MTSS1: variants seen among roughly 807,000 people sequenced by gnomAD.
The protein encoded by MTSS1 is MTSS I-BAR domain containing 1, also known as protein MTSS 1.
Under a neutral mutation model 79.0 loss-of-function variants are expected in MTSS1, and 18 were observed. The ratio of observed to expected loss-of-function variants is 0.23; its 90% CI spans 0.16 to 0.34. MTSS1 has a LOEUF of 0.34. Among genes scored for constraint, MTSS1 ranks in the 10% least tolerant of loss-of-function variants. The pLI is 1.00. For missense variants in MTSS1, 815 were observed against 986.2 expected (o/e 0.83, Z 2.33); for synonymous variants, 341 against 368.6 (o/e 0.93, Z 0.86).
intron 3 of MTSS1, among the ~76,000 whole-genome samples, chr8:124,611,010 CT>C (rs912638635): frequency 1.6e-4 from 24 of 152,104 alleles, no homozygotes; most frequent in African/African-American, 4.3e-4. Flanking sequence ...ATGTGGAAGG[CT>C]GCATGGGGAA....
intron 3 of MTSS1, among the ~76,000 whole-genome samples, chr8:124,620,815 A>G (rs1813353384): frequency 6.6e-6 from 1 of 152,234 alleles, no homozygotes; most frequent in Admixed American, 6.5e-5. Context: ...CCTGCATAAA[A>G]AATTAAATTA....
intron 3 of MTSS1, among the ~76,000 whole-genome samples, chr8:124,681,298 C>CT (rs1395529568): frequency 1.3e-5 from 2 of 152,030 alleles, no homozygotes; most frequent in Non-Finnish European, 2.9e-5. Flanking sequence ...CTCAGGACTC[C>CT]TACATGTGTT....
At chr8:124,674,528 A>G (rs1302928139) in intron 3 of MTSS1, among the ~76,000 whole-genome samples, 2 of 151,954 alleles carry the variant, frequency 1.3e-5, no homozygotes, top group Non-Finnish European at 2.9e-5. Flanking sequence ...TATTTTTAGT[A>G]AAGACAGGGT....
intron 3 of MTSS1, among the ~76,000 whole-genome samples, chr8:124,604,605 TA>T (rs201764427): frequency 2.6e-5 from 4 of 152,022 alleles, no homozygotes; most frequent in African/African-American, 7.2e-5. Context: ...GTTTTTTTTT[TA>T]AAAAACCTGT....
At chr8:124,610,303 G>A (rs887192149) in intron 3 of MTSS1, among the ~76,000 whole-genome samples, 2 of 152,064 alleles carry the variant, frequency 1.3e-5, no homozygotes, top group Middle Eastern at 3.4e-3. Flanking sequence ...GGCTGGAACC[G>A]GGCCCATTAA....
chr8:124,618,716 T>G (rs955988420), intron 3 of MTSS1, among the ~76,000 whole-genome samples: 3 of 152,226 alleles, frequency 2.0e-5, no homozygotes, highest in Non-Finnish European at 4.4e-5. Flanking sequence ...CTCTCCATAA[T>G]GTAGCTGTCT....
chr8:124,678,526 A>C (rs950042812), intron 3 of MTSS1, among the ~76,000 whole-genome samples: 11 of 152,226 alleles, frequency 7.2e-5, no homozygotes, highest in African/African-American at 2.7e-4. Context: ...TACGTCTTAC[A>C]TGGCGGCAGG....
At chr8:124,576,294 C>T (rs765858414) in intron 6 of MTSS1, among the ~76,000 whole-genome samples, 2 of 152,118 alleles carry the variant, frequency 1.3e-5, no homozygotes, top group Non-Finnish European at 2.9e-5. Context: ...TAGAAAACCC[C>T]AAATTTGTGG....
intron 3 of MTSS1, among the ~76,000 whole-genome samples, chr8:124,592,640 A>G (rs1467012873): frequency 6.6e-6 from 1 of 152,214 alleles, no homozygotes; most frequent in East Asian, 1.9e-4. Flanking sequence ...AAATAATAGT[A>G]ACTGTGACAT....
intron 6 of MTSS1, among the ~76,000 whole-genome samples, chr8:124,583,230 G>A (rs900295947): frequency 6.6e-6 from 1 of 152,128 alleles, no homozygotes; most frequent in African/African-American, 2.4e-5. Context: ...TCTCTCATCT[G>A]TCAGGCCAAT....
chr8:124,612,853 T>C (rs1836131856), intron 3 of MTSS1, among the ~76,000 whole-genome samples: 1 of 152,084 alleles, frequency 6.6e-6, no homozygotes, highest in Non-Finnish European at 1.5e-5. Flanking sequence ...TTCAAAAGAC[T>C]GAAACCCATC....
At chr8:124,568,328 G>T (rs1826972896) in intron 7 of MTSS1, 51 bp downstream of exon 7, 2 of 1,569,368 alleles carry the variant, frequency 1.3e-6, no homozygotes, top group African/African-American at 1.4e-5. Flanking sequence ...TTAGAAGGAA[G>T]CCACCTCTAC....
At chr8:124,685,456 G>A (rs754232324) in intron 3 of MTSS1, among the ~76,000 whole-genome samples, 6 of 152,228 alleles carry the variant, frequency 3.9e-5, no homozygotes, top group East Asian at 1.9e-4. Flanking sequence ...CTACGACAGC[G>A]AAGCCCAGAT....
At chr8:124,601,899 A>G (rs1342485198) in intron 3 of MTSS1, among the ~76,000 whole-genome samples, 1 of 152,134 alleles carries the variant, frequency 6.6e-6, no homozygotes, top group Non-Finnish European at 1.5e-5. Flanking sequence ...AGGTGAAGTG[A>G]CAGAACACAG....
At chr8:124,714,348 G>A (rs954085859) in intron 1 of MTSS1, among the ~76,000 whole-genome samples, 1 of 152,236 alleles carries the variant, frequency 6.6e-6, no homozygotes, top group South Asian at 2.1e-4. Flanking sequence ...CACAGAAAGA[G>A]TAAGTAATTT....
intron 3 of MTSS1, among the ~76,000 whole-genome samples, chr8:124,686,234 T>C (rs1272924900): frequency 6.6e-6 from 1 of 152,174 alleles, no homozygotes; most frequent in Non-Finnish European, 1.5e-5. Context: ...TCCGCCTCCC[T>C]GAGCCCTCTC....
intron 3 of MTSS1, among the ~76,000 whole-genome samples, chr8:124,661,974 G>T (rs1008696656): frequency 3.9e-5 from 6 of 152,122 alleles, no homozygotes; most frequent in Non-Finnish European, 7.3e-5. Flanking sequence ...ACCCATCCAT[G>T]AACACCAAGG....
At chr8:124,696,122 G>C (rs1828775871) in intron 3 of MTSS1, among the ~76,000 whole-genome samples, 3 of 151,878 alleles carry the variant, frequency 2.0e-5, no homozygotes. Flanking sequence ...CAAGTAGCTG[G>C]GATTACAGGT....
chr8:124,681,727 G>A (rs1276680594), intron 3 of MTSS1, among the ~76,000 whole-genome samples: 1 of 152,208 alleles, frequency 6.6e-6, no homozygotes, highest in Admixed American at 6.5e-5. Context: ...GGCAGAGGTT[G>A]CAGTGAGCCG....
Sources: gnomAD v4.1 joint callset for allele counts (sites outside exome capture counted in the v4.1 genomes callset) on GRCh38, gnomAD v4.1.1 for gene constraint, MANE v1.5 for transcripts, NCBI Gene and HGNC (gene_info 2026-07-23, HGNC 2026-07-21) for gene names.